The following KCNQ5 variants were observed in gnomAD, a reference collection of about 807,000 sequenced individuals.
The protein encoded by KCNQ5 is potassium voltage-gated channel subfamily KQT member 5.
In KCNQ5, 30 loss-of-function variants were observed where a neutral mutation model predicts 98.2. That is an observed-to-expected ratio of 0.31 (90% CI 0.23 to 0.41). KCNQ5 has a LOEUF of 0.41. Among genes scored for constraint, KCNQ5 ranks in the 10% least tolerant of loss-of-function variants. KCNQ5 has a pLI of 1.00. For missense variants in KCNQ5, 835 were observed against 1,182.5 expected (o/e 0.71, Z 4.31); for synonymous variants, 458 against 449.4 (o/e 1.02, Z -0.24).
intron 1 of KCNQ5, among the ~76,000 whole-genome samples, chr6:72,745,363 T>A (rs934806190): frequency 6.6e-6 from 1 of 152,212 alleles, no homozygotes; most frequent in African/African-American, 2.4e-5. Context: ...AAAGATTAAA[T>A]GTTTAAATTA....
intron 1 of KCNQ5, among the ~76,000 whole-genome samples, chr6:72,743,422 C>T (rs1051249968): frequency 1.3e-5 from 2 of 151,862 alleles, no homozygotes; most frequent in Admixed American, 6.6e-5. Context: ...CAAGCAACTT[C>T]GTAATTTAAA....
At chr6:72,870,353 G>A (rs78752823) in intron 1 of KCNQ5, among the ~76,000 whole-genome samples, 6,163 of 152,174 alleles carry the variant, frequency 0.04, 139 homozygotes, top group Middle Eastern at 0.075. Flanking sequence ...GCAGCTCACT[G>A]CAGCCTCAAC....
In KCNQ5 at chr6:73,030,553, A is replaced by T. The variant is rs147331484; in HGVS notation, c.490-11383A>T. Among the ~76,000 whole-genome samples, 154 of 152,370 alleles carry T rather than the reference A, an allele frequency of 1.0e-3. 1 individual carries two copies. Among genetic ancestry groups the T allele is most frequent in the African/African-American group, 3.5e-3 (145 of 41,594 alleles). ...GAAAAATAAATAATCTTAGGTAATAAAATGCACTTTGGTGCTTATAAAGGA... is the reference window on the plus strand; with the variant it reads ...GAAAAATAAATAATCTTAGGTAATATAATGCACTTTGGTGCTTATAAAGGA... On this transcript the variant is annotated intron_variant, in intron 2 of 13. Coordinates refer to ENST00000370398, the MANE Select transcript of KCNQ5 (RefSeq NM_019842.4).
At chr6:72,976,051 A>G (rs1462984598) in intron 1 of KCNQ5, among the ~76,000 whole-genome samples, 1 of 152,198 alleles carries the variant, frequency 6.6e-6, no homozygotes, top group African/African-American at 2.4e-5. Context: ...ATAGCTTTTT[A>G]TGCTGCATGA....
At chr6:72,918,693 T>A (rs895204908) in intron 1 of KCNQ5, among the ~76,000 whole-genome samples, 1 of 151,968 alleles carries the variant, frequency 6.6e-6, no homozygotes, top group Non-Finnish European at 1.5e-5. Context: ...GGGAGATAAA[T>A]GGCAATACCT....
intron 1 of KCNQ5, among the ~76,000 whole-genome samples, chr6:72,754,102 G>A (rs1251468408): frequency 6.6e-6 from 1 of 151,990 alleles, no homozygotes; most frequent in Non-Finnish European, 1.5e-5. Flanking sequence ...CCATATTCCT[G>A]GTCTTAGGTA....
intron 1 of KCNQ5, among the ~76,000 whole-genome samples, chr6:72,889,856 T>A (rs1345054486): frequency 3.3e-5 from 5 of 152,186 alleles, no homozygotes; most frequent in African/African-American, 4.8e-5. Flanking sequence ...AATAATAAAT[T>A]TTTAAAAGCC....
At chr6:72,930,868 CT>C (rs1765664095) in intron 1 of KCNQ5, among the ~76,000 whole-genome samples, 1 of 152,126 alleles carries the variant, frequency 6.6e-6, no homozygotes, top group South Asian at 2.1e-4. Flanking sequence ...TCAAGCTGTC[CT>C]GTGTCTTAAT....
intron 1 of KCNQ5, among the ~76,000 whole-genome samples, chr6:72,926,582 T>G (rs912803848): frequency 6.6e-6 from 1 of 152,126 alleles, no homozygotes; most frequent in Non-Finnish European, 1.5e-5. Context: ...TTCCTTAGAA[T>G]TTTTCATTTA....
At chr6:72,702,310 C>T (rs1286957285) in intron 1 of KCNQ5, among the ~76,000 whole-genome samples, 1 of 152,118 alleles carries the variant, frequency 6.6e-6, no homozygotes, top group East Asian at 1.9e-4. Flanking sequence ...ATGTGAAGGG[C>T]TGCTGAGATA....
chr6:73,109,297 A>AGGG (rs1312385645), intron 6 of KCNQ5, among the ~76,000 whole-genome samples: 1 of 152,214 alleles, frequency 6.6e-6, no homozygotes, highest in Admixed American at 6.5e-5. Flanking sequence ...TATTTTCCAA[A>AGGG]GGGGATTAAA....
At chr6:72,705,067 T>C (rs1769002436) in intron 1 of KCNQ5, among the ~76,000 whole-genome samples, 1 of 152,178 alleles carries the variant, frequency 6.6e-6, no homozygotes, top group African/African-American at 2.4e-5. Flanking sequence ...CTCTCTGCCT[T>C]TGCTCAATCT....
chr6:72,646,769 A>C (rs1403127471), intron 1 of KCNQ5, among the ~76,000 whole-genome samples: 1 of 152,222 alleles, frequency 6.6e-6, no homozygotes, highest in African/African-American at 2.4e-5. Flanking sequence ...TGCACAGCTT[A>C]GGTACATCAT....
At chr6:72,762,478 A>G (rs1292856815) in intron 1 of KCNQ5, among the ~76,000 whole-genome samples, 1 of 152,098 alleles carries the variant, frequency 6.6e-6, no homozygotes, top group Non-Finnish European at 1.5e-5. Context: ...CGAAGACAGC[A>G]GAGTTAATTA....
intron 1 of KCNQ5, among the ~76,000 whole-genome samples, chr6:72,653,047 T>C (rs1165150355): frequency 6.6e-6 from 1 of 152,132 alleles, no homozygotes; most frequent in East Asian, 1.9e-4. Context: ...GTAAGAATTA[T>C]GGTAGCAATT....
chr6:73,186,516 A>C (rs1377283320), intron 11 of KCNQ5, among the ~76,000 whole-genome samples: 1 of 152,220 alleles, frequency 6.6e-6, no homozygotes, highest in Non-Finnish European at 1.5e-5. Flanking sequence ...CAATTTCTGT[A>C]GTGTAAATAC....
At chr6:72,962,283 G>A (rs116477371) in intron 1 of KCNQ5, among the ~76,000 whole-genome samples, 13,894 of 143,198 alleles carry the variant, frequency 0.097, 784 homozygotes, top group East Asian at 0.24. Context: ...ATATATATAT[G>A]GGAGCTAAGC....
intron 9 of KCNQ5, among the ~76,000 whole-genome samples, chr6:73,128,126 G>A (rs1776067205): frequency 6.6e-6 from 1 of 152,156 alleles, no homozygotes; most frequent in Non-Finnish European, 1.5e-5. Flanking sequence ...TTTAAATATA[G>A]CTCAACTGAG....
chr6:72,883,648 A>T (rs75978768), intron 1 of KCNQ5, among the ~76,000 whole-genome samples: 3,707 of 152,292 alleles, frequency 0.024, 64 homozygotes, highest in Non-Finnish European at 0.035. Context: ...ACAGCATTGT[A>T]TATACACAGG....
Sources: gnomAD v4.1 joint callset for allele counts (sites outside exome capture counted in the v4.1 genomes callset) on GRCh38, gnomAD v4.1.1 for gene constraint, MANE v1.5 for transcripts, NCBI Gene and HGNC (gene_info 2026-07-23, HGNC 2026-07-21) for gene names.